GLRB: variants seen among roughly 807,000 people sequenced by gnomAD.
GLRB encodes the protein glycine receptor beta.
In GLRB, 33 loss-of-function variants were observed where a neutral mutation model predicts 54.2. The observed-to-expected ratio is 0.61, with a 90% CI of 0.46 to 0.81. The LOEUF is 0.81. Ranked by LOEUF, GLRB falls within the 40% of genes least tolerant of loss-of-function variation. The pLI is 0.00. For missense variants in GLRB, 572 were observed against 584.6 expected, an observed-to-expected ratio of 0.98 and a Z score of 0.22; for synonymous variants, 209 against 208.2, an observed-to-expected ratio of 1.00 and a Z score of -0.03.
chr4:157,156,614 T>C (rs184045254), intron 9 of GLRB, among the ~76,000 whole-genome samples: 1 of 152,336 alleles, frequency 6.6e-6, no homozygotes, highest in Non-Finnish European at 1.5e-5. Flanking sequence ...TTTTTTCCTC[T>C]GCCCTTTACA....
chr4:157,128,986 A>G (rs562655022), intron 4 of GLRB, among the ~76,000 whole-genome samples: 134 of 152,024 alleles, frequency 8.8e-4, no homozygotes, highest in Non-Finnish European at 1.2e-3. Context: ...TAAAGATTAT[A>G]TATGTGAGCT....
At chr4:157,107,269 A>G (rs1254066189) in intron 2 of GLRB, among the ~76,000 whole-genome samples, 1 of 152,082 alleles carries the variant, frequency 6.6e-6, no homozygotes, top group Non-Finnish European at 1.5e-5. Flanking sequence ...TCAGGTGAAA[A>G]GAAGGGCTGC....
chr4:157,160,374 G>A (rs925016126), intron 9 of GLRB, among the ~76,000 whole-genome samples: 1 of 151,966 alleles, frequency 6.6e-6, no homozygotes. Flanking sequence ...CCTTCTGCTA[G>A]CTTTTGAATG....
chr4:157,150,763 G>A (rs1004783565), intron 8 of GLRB, among the ~76,000 whole-genome samples: 1 of 151,748 alleles, frequency 6.6e-6, no homozygotes, highest in Non-Finnish European at 1.5e-5. Context: ...TCATAACTTT[G>A]TCTCAATTTT....
intron 2 of GLRB, among the ~76,000 whole-genome samples, chr4:157,099,063 A>C (rs1209219850): frequency 6.6e-6 from 1 of 152,112 alleles, no homozygotes; most frequent in East Asian, 1.9e-4. Flanking sequence ...ATCAGTGAGG[A>C]CAAACAGCTC....
In GLRB at chr4:157,170,416, C is replaced by A. The variant is rs78670342; in HGVS notation, c.1198-16C>A. ...AGAAAAGTTTTAAATACATTGTCTT[C>A]AATATTTATTCTTAGGTTGGTGAGA... On this transcript the variant is annotated splice_polypyrimidine_tract_variant and intron_variant, in intron 9 of 9. Coordinates refer to ENST00000264428, the MANE Select transcript of GLRB (RefSeq NM_000824.5). 6.3e-4 allele frequency: 942 copies of A among 1,490,634 alleles called. 7 individuals carry two copies. The East Asian group carries it at 0.019, about 31-fold the overall frequency. 92.3% of individuals were successfully genotyped at this position (1,490,634 alleles called of 1,614,324 possible).
intron 2 of GLRB, among the ~76,000 whole-genome samples, chr4:157,116,227 G>A (rs1408052011): frequency 6.6e-6 from 1 of 151,750 alleles, no homozygotes; most frequent in Non-Finnish European, 1.5e-5. Flanking sequence ...TTAGGCAAGT[G>A]AACAAAAGAT....
At chr4:157,167,726 G>T (rs986383419) in intron 9 of GLRB, among the ~76,000 whole-genome samples, 4 of 152,092 alleles carry the variant, frequency 2.6e-5, no homozygotes, top group African/African-American at 9.7e-5. Context: ...AAGGAAATAC[G>T]TGAGGCTGTA....
chr4:157,135,367 C>T (rs1560961571), intron 4 of GLRB, among the ~76,000 whole-genome samples: 1 of 152,032 alleles, frequency 6.6e-6, no homozygotes, highest in Non-Finnish European at 1.5e-5. Flanking sequence ...TTGGCCATGT[C>T]CCCACCCAAA....
At chr4:157,142,910 G>A (rs1214370817) in intron 7 of GLRB, among the ~76,000 whole-genome samples, 1 of 152,088 alleles carries the variant, frequency 6.6e-6, no homozygotes, top group African/African-American at 2.4e-5. Context: ...TAACTGAAAA[G>A]AGCAAACATT....
At chr4:157,153,242 AT>A (rs1296239697) in intron 9 of GLRB, among the ~76,000 whole-genome samples, 3 of 152,160 alleles carry the variant, frequency 2.0e-5, no homozygotes, top group African/African-American at 7.2e-5. Flanking sequence ...GCCTTATTAA[AT>A]TTTTTGAGGA....
chr4:157,079,062 C>A (rs2126412258), intron 2 of GLRB, among the ~76,000 whole-genome samples: 1 of 152,310 alleles, frequency 6.6e-6, no homozygotes, highest in African/African-American at 2.4e-5. Flanking sequence ...GCGTGGTTCA[C>A]CGCACCTGGC....
At chr4:157,115,380 A>G (rs1197360083) in intron 2 of GLRB, among the ~76,000 whole-genome samples, 1 of 151,544 alleles carries the variant, frequency 6.6e-6, no homozygotes, top group Non-Finnish European at 1.5e-5. Flanking sequence ...ATGACTAATA[A>G]CATCACGGTT....
intron 4 of GLRB, among the ~76,000 whole-genome samples, chr4:157,134,868 T>C (rs909752898): frequency 1.3e-5 from 2 of 150,514 alleles, no homozygotes; most frequent in African/African-American, 5.0e-5. Flanking sequence ...ATGCAATTGG[T>C]AGTAGAGTTA....
At chr4:157,089,712 G>C (rs1734541617) in intron 2 of GLRB, among the ~76,000 whole-genome samples, 2 of 151,818 alleles carry the variant, frequency 1.3e-5, no homozygotes, top group Non-Finnish European at 2.9e-5. Context: ...TTTTCCCCTG[G>C]GTAATATCTA....
Position 157,136,644 on chromosome 4 carries a change from A to C in GLRB, c.473A>C (p.Gln158Pro). 6.2e-7 allele frequency: 1 copy of C among 1,613,390 alleles called. No homozygotes were observed. The highest frequency in any genetic ancestry group is 8.5e-7 in the Non-Finnish European group (1 of 1,179,366). The change falls in exon 5 of 10, where the codon CAG (glutamine) becomes CCG (proline). Residue 158 changes from glutamine to proline, a missense_variant. Transcript: ENST00000264428. Reference sequence around the variant, plus strand: ...AGTGCCAATTTTCATGATGTGACCCAGGAAAACATCCTCCTCTTTATTTTT... The same window carrying C: ...AGTGCCAATTTTCATGATGTGACCCCGGAAAACATCCTCCTCTTTATTTTT... ...EKSANFHDVT[Q>P]ENILLFIFRD...
At position 157,152,971 on chromosome 4, in the gene GLRB, G is replaced by C; in HGVS notation, c.1158G>C (p.Val386=). 1 of 1,613,938 alleles carries C rather than the reference G, an allele frequency of 6.2e-7. No homozygotes were observed. Among genetic ancestry groups the C allele is most frequent in the Non-Finnish European group, 8.5e-7 (1 of 1,179,912 alleles). The change falls in exon 9 of 10, where the codon GTG becomes GTC. Residue 386 remains valine, a synonymous_variant. Coordinates refer to ENST00000264428, the MANE Select transcript of GLRB (RefSeq NM_000824.5). ...KGGNVAKKNT[V]NGTGTPVHIS... ...GAAATGTGGCTAAAAAGAATACTGT[G>C]AATGGAACAGGGACTCCTGTTCATA...
intron 4 of GLRB, among the ~76,000 whole-genome samples, chr4:157,130,754 G>T (rs926716597): frequency 1.3e-5 from 2 of 151,462 alleles, no homozygotes; most frequent in African/African-American, 4.8e-5. Flanking sequence ...CAATTTTTGG[G>T]GGTATATACC....
intron 4 of GLRB, among the ~76,000 whole-genome samples, chr4:157,133,987 A>G (rs1736309614): frequency 6.6e-6 from 1 of 152,042 alleles, no homozygotes; most frequent in African/African-American, 2.4e-5. Context: ...AGAACATGGA[A>G]TTATGCTTCC....
Sources: allele counts gnomAD v4.1 joint callset (sites outside exome capture counted in the v4.1 genomes callset), GRCh38; gene constraint gnomAD v4.1.1; transcripts MANE v1.5; gene names NCBI Gene and HGNC (gene_info 2026-07-23, HGNC 2026-07-21).